ADGRL3: variants seen among roughly 807,000 people sequenced by gnomAD.
ADGRL3 encodes the protein calcium-independent alpha-latrotoxin receptor 3.
Under a neutral mutation model 153.5 loss-of-function variants are expected in ADGRL3, and 62 were observed. The ratio of observed to expected loss-of-function variants is 0.40; its 90% CI spans 0.33 to 0.50. ADGRL3 has a LOEUF of 0.50. Among genes scored for constraint, ADGRL3 ranks in the 20% least tolerant of loss-of-function variants. The pLI, the probability that ADGRL3 is intolerant of heterozygous loss-of-function variation, is 0.47. For missense variants in ADGRL3, 1,641 were observed against 1,859.4 expected (o/e 0.88, Z 2.16); for synonymous variants, 710 against 672.5 (o/e 1.06, Z -0.86).
chr4:61,998,228 A>G lies in ADGRL3; in HGVS notation c.3358A>G (p.Ile1120Val), dbSNP rs376395055. 1 of 1,588,702 alleles carries G rather than the reference A, an allele frequency of 6.3e-7. No homozygotes were observed. Among genetic ancestry groups the G allele is most frequent in the Non-Finnish European group, 8.6e-7 (1 of 1,169,046 alleles). Residue 1120 changes from isoleucine (I) to valine (V), a missense_variant, in exon 21 of 27, where the codon ATA becomes GTA. This residue lies in a region of ADGRL3 where 517 missense variants were observed against 555.0 expected (regional missense o/e 0.93). Transcript: ENST00000683033. ...ATATAAAATGTTTCATCATACTGCTATACTGAAACCTGAATCAGGCTGTCT... is the reference window on the plus strand; with the variant it reads ...ATATAAAATGTTTCATCATACTGCTGTACTGAAACCTGAATCAGGCTGTCT... ...ALYKMFHHTA[I>V]LKPESGCLDN...
At chr4:61,381,089 T>C (rs1197862126) in intron 1 of ADGRL3, among the ~76,000 whole-genome samples, 1 of 151,912 alleles carries the variant, frequency 6.6e-6, no homozygotes, top group East Asian at 1.9e-4. Context: ...CTCTCAAGTG[T>C]CATAAGTGGC....
At chr4:61,280,735 G>T (rs1437628710) in intron 1 of ADGRL3, among the ~76,000 whole-genome samples, 1 of 152,106 alleles carries the variant, frequency 6.6e-6, no homozygotes, top group East Asian at 1.9e-4. Context: ...AGAAGTTCAT[G>T]TAAGGATGCA....
chr4:61,375,692 C>T (rs2096594807), intron 1 of ADGRL3, among the ~76,000 whole-genome samples: 1 of 152,116 alleles, frequency 6.6e-6, no homozygotes, highest in South Asian at 2.1e-4. Flanking sequence ...ATCTCTAAGA[C>T]ATTCAAAGTG....
At chr4:61,332,130 G>A (rs2095585388) in intron 1 of ADGRL3, among the ~76,000 whole-genome samples, 1 of 152,120 alleles carries the variant, frequency 6.6e-6, no homozygotes, top group African/African-American at 2.4e-5. Context: ...CCATGAACAA[G>A]AGAGAACCTT....
chr4:61,950,427 TTCAA>T (rs2098942625), intron 17 of ADGRL3, among the ~76,000 whole-genome samples: 1 of 152,180 alleles, frequency 6.6e-6, no homozygotes, highest in Non-Finnish European at 1.5e-5. Context: ...TGAAGAACAT[TTCAA>T]TCAGAGAAAA....
chr4:61,527,664 T>C (rs2152942423), intron 4 of ADGRL3, among the ~76,000 whole-genome samples: 1 of 152,346 alleles, frequency 6.6e-6, no homozygotes, highest in Admixed American at 6.5e-5. Context: ...GATGTTGATG[T>C]AAATTAAAAG....
intron 1 of ADGRL3, among the ~76,000 whole-genome samples, chr4:61,356,362 G>GTACA (rs1159572851): frequency 6.6e-6 from 1 of 151,750 alleles, no homozygotes; most frequent in Non-Finnish European, 1.5e-5. Flanking sequence ...CTGTCTAGGG[G>GTACA]TACATCATTA....
chr4:61,483,581 T>C (rs2098155182), intron 2 of ADGRL3, among the ~76,000 whole-genome samples: 1 of 151,608 alleles, frequency 6.6e-6, no homozygotes, highest in Non-Finnish European at 1.5e-5. Flanking sequence ...CTACTAAAAA[T>C]ACAAAATTAG....
At chr4:61,909,774 TG>T in intron 12 of ADGRL3, 29 bp downstream of exon 12, 1 of 1,311,350 alleles carries the variant, frequency 7.6e-7, no homozygotes, top group East Asian at 2.7e-5. Context: ...TGTGTGTGTG[TG>T]TGTGTGTGTG....
chr4:61,766,484 G>T (rs577324535), intron 8 of ADGRL3, among the ~76,000 whole-genome samples: 1 of 151,850 alleles, frequency 6.6e-6, no homozygotes, highest in Non-Finnish European at 1.5e-5. Flanking sequence ...TTCTGACCTC[G>T]CTAACCATGC....
chr4:61,802,235 C>CTTTT lies in ADGRL3; in HGVS notation c.1400-11573_1400-11570dup, dbSNP rs139732892. ...CTTCTGCTTCCCAGACACATATGCA[C>CTTTT]TTTTGCACACACAATATCAGTGAAG... On this transcript the variant is annotated intron_variant, in intron 8 of 26. Coordinates refer to ENST00000683033, the MANE Select transcript of ADGRL3 (RefSeq NM_001387552.1). 6.5e-3 allele frequency among the ~76,000 whole-genome samples: 991 copies of CTTTT among 152,132 alleles called. 10 individuals are homozygous for CTTTT. Among genetic ancestry groups the CTTTT allele is most frequent in the African/African-American group, 0.023 (945 of 41,472 alleles).
chr4:62,040,617 C>T (rs1727726172), intron 24 of ADGRL3, among the ~76,000 whole-genome samples: 1 of 151,920 alleles, frequency 6.6e-6, no homozygotes, highest in African/African-American at 2.4e-5. Flanking sequence ...TATTGAGTGC[C>T]TCCTATATAA....
intron 1 of ADGRL3, among the ~76,000 whole-genome samples, chr4:61,270,740 C>A (rs562696128): frequency 1.1e-4 from 16 of 151,810 alleles, no homozygotes; most frequent in African/African-American, 3.4e-4. Flanking sequence ...ACAGCTAATA[C>A]ATATGGAGTC....
chr4:61,677,105 A>T, intron 6 of ADGRL3, 170 bp downstream of exon 6: 1 of 557,882 alleles, frequency 1.8e-6, no homozygotes, highest in East Asian at 2.9e-5. Context: ...GAAGAATTAG[A>T]TATTGCCTAC....
chr4:61,997,799 C>T (rs1417078075), intron 20 of ADGRL3, among the ~76,000 whole-genome samples: 3 of 152,132 alleles, frequency 2.0e-5, no homozygotes, highest in African/African-American at 7.2e-5. Flanking sequence ...AAATGTGTCA[C>T]TAAATAATAA....
In ADGRL3 at chr4:61,847,721, ATATAT is replaced by A. The variant is rs573665229; in HGVS notation, c.1480+33838_1480+33842del. Among the ~76,000 whole-genome samples, 169 of 29,622 alleles carry A rather than the reference ATATAT, an allele frequency of 5.7e-3. 49 individuals are homozygous for A. The highest frequency in any genetic ancestry group is 0.038 in the Middle Eastern group (1 of 26). 19.4% of individuals were successfully genotyped at this position (29,622 alleles called of 152,430 possible). A position where few individuals can be genotyped will look rare whatever the true frequency, so the allele number is the denominator to read the frequency against. ...AAATATATTATATATATAATATAAA[ATATAT>A]TATATATATAATACAAAATATATTA... is the stretch of plus-strand genomic sequence containing the variant. On this transcript the variant is annotated intron_variant, in intron 9 of 26. Coordinates refer to ENST00000683033, the MANE Select transcript of ADGRL3 (RefSeq NM_001387552.1).
At chr4:61,605,316 G>A (rs1310273222) in intron 5 of ADGRL3, among the ~76,000 whole-genome samples, 1 of 151,960 alleles carries the variant, frequency 6.6e-6, no homozygotes, top group African/African-American at 2.4e-5. Context: ...CATAGAATTT[G>A]GATCTTAAAA....
chr4:61,837,583 A>G (rs1019667249), intron 9 of ADGRL3, among the ~76,000 whole-genome samples: 1 of 152,040 alleles, frequency 6.6e-6, no homozygotes, highest in African/African-American at 2.4e-5. Flanking sequence ...CAGAGTCGGT[A>G]TGTTCTCTTT....
intron 18 of ADGRL3, 35 bp from the exon 19 acceptor site, chr4:61,983,348 A>C: frequency 6.4e-7 from 1 of 1,550,784 alleles, no homozygotes; most frequent in Non-Finnish European, 8.9e-7. Context: ...CCCATGTGGT[A>C]GAGATTTGAC....
Sources: allele counts gnomAD v4.1 joint callset (sites outside exome capture counted in the v4.1 genomes callset), GRCh38; gene constraint gnomAD v4.1.1; regional missense constraint gnomAD v4.1.1; transcripts MANE v1.5; gene names NCBI Gene and HGNC (gene_info 2026-07-23, HGNC 2026-07-21).